The following TAFA4 variants were observed in gnomAD, a reference collection of about 807,000 sequenced individuals.
TAFA4 encodes TAFA chemokine like family member 4, also known as chemokine-like protein TAFA-4.
Under a neutral mutation model 21.1 loss-of-function variants are expected in TAFA4, and 20 were observed. The observed-to-expected ratio is 0.95, with a 90% confidence interval of 0.67 to 1.38. The LOEUF (loss-of-function observed/expected upper bound fraction) is 1.38, where lower values mean the gene tolerates loss of function less well. Among genes scored for constraint, TAFA4 ranks in the 40% most tolerant of loss-of-function variants. The probability of loss-of-function intolerance (pLI) is 0.00; values close to 1 mark genes in which losing one functional copy is unlikely to be tolerated. For missense variants in TAFA4, 211 were observed against 180.9 expected (o/e 1.17, Z -0.95); for synonymous variants, 71 against 67.4 (o/e 1.05, Z -0.26).
intron 3 of TAFA4, among the ~76,000 whole-genome samples, chr3:68,759,102 G>T (rs1702713743): frequency 6.6e-6 from 1 of 152,166 alleles, no homozygotes; most frequent in Non-Finnish European, 1.5e-5. Context: ...TTTCAGTTCA[G>T]GTCTGAAGGC....
intron 3 of TAFA4, among the ~76,000 whole-genome samples, chr3:68,820,994 T>C (rs1704101862): frequency 6.6e-6 from 1 of 152,216 alleles, no homozygotes; most frequent in African/African-American, 2.4e-5. Flanking sequence ...TGGTACCAAA[T>C]GATGTAGTGT....
At chr3:68,760,657 A>G (rs544025800) in intron 3 of TAFA4, among the ~76,000 whole-genome samples, 1 of 152,336 alleles carries the variant, frequency 6.6e-6, no homozygotes, top group South Asian at 2.1e-4. Flanking sequence ...GAATAGAGGA[A>G]AGAGAAGGCT....
At chr3:68,891,414 T>C (rs2089729386) in intron 1 of TAFA4, among the ~76,000 whole-genome samples, 1 of 152,084 alleles carries the variant, frequency 6.6e-6, no homozygotes. Context: ...TTGCATCACC[T>C]CCAGAGTGAG....
rs1379034844 is a variant in TAFA4, at chr3:68,827,048, C to T, written c.130+53682G>A. Among the ~76,000 whole-genome samples, 8 of 148,158 alleles carry T rather than the reference C, an allele frequency of 5.4e-5. No homozygotes were observed. The East Asian group carries it at 1.6e-3, about 29-fold the overall frequency. ...TATCCCTCCCCCAGCCCCCCACCCC[C>T]CAACAGGCCCCTGTGTGTAATGTTC... is the stretch of plus-strand genomic sequence containing the variant. On this transcript the variant is annotated intron_variant, in intron 3 of 5. Coordinates refer to ENST00000295569, the MANE Select transcript of TAFA4 (RefSeq NM_182522.5).
At chr3:68,880,942 T>A (rs545062046) in intron 2 of TAFA4, 97 bp from the exon 3 acceptor site, 1 of 840,070 alleles carries the variant, frequency 1.2e-6, no homozygotes, top group African/African-American at 1.7e-5. Flanking sequence ...CAGGGGCAGA[T>A]CCCTGGAGCT....
At chr3:68,825,713 A>G (rs367686940) in intron 3 of TAFA4, among the ~76,000 whole-genome samples, 2 of 152,214 alleles carry the variant, frequency 1.3e-5, no homozygotes, top group African/African-American at 4.8e-5. Context: ...TTGAAAGGAC[A>G]GCTTTTCCCT....
At chr3:68,768,478 T>C (rs987984582) in intron 3 of TAFA4, among the ~76,000 whole-genome samples, 2 of 151,544 alleles carry the variant, frequency 1.3e-5, no homozygotes, top group Non-Finnish European at 2.9e-5. Flanking sequence ...GAAAATGGAG[T>C]GGTTATACAC....
intron 5 of TAFA4, among the ~76,000 whole-genome samples, chr3:68,737,107 G>GATCTTGTTTTATATTTATATATAA (rs1166761834): frequency 6.6e-6 from 1 of 152,018 alleles, no homozygotes; most frequent in Admixed American, 6.6e-5. Context: ...TTTTGCTCAT[G>GATCTTGTTTTATATTTATATATAA]ATCTTGTTTT....
At chr3:68,893,949 A>G (rs2089758822) in intron 1 of TAFA4, among the ~76,000 whole-genome samples, 1 of 152,226 alleles carries the variant, frequency 6.6e-6, no homozygotes, top group African/African-American at 2.4e-5. Flanking sequence ...AGCCATATTT[A>G]TAAATAGAAT....
intron 4 of TAFA4, among the ~76,000 whole-genome samples, chr3:68,741,042 G>A (rs1602195): frequency 0.65 from 98,150 of 152,014 alleles, 32,273 homozygotes; most frequent in East Asian, 0.98. Context: ...TACTGTTTTG[G>A]TAACTATAGC....
intron 3 of TAFA4, among the ~76,000 whole-genome samples, chr3:68,786,769 T>C (rs1223386798): frequency 6.6e-6 from 1 of 152,210 alleles, no homozygotes; most frequent in Non-Finnish European, 1.5e-5. Context: ...AGTTAGGTAT[T>C]ATTGCTAATC....
At chr3:68,929,152 G>A (rs926771476) in intron 1 of TAFA4, among the ~76,000 whole-genome samples, 1 of 152,122 alleles carries the variant, frequency 6.6e-6, no homozygotes, top group Non-Finnish European at 1.5e-5. Flanking sequence ...CAAATTGAGT[G>A]AGGCATTACA....
At chr3:68,871,769 A>T (rs2089485494) in intron 3 of TAFA4, among the ~76,000 whole-genome samples, 1 of 152,200 alleles carries the variant, frequency 6.6e-6, no homozygotes, top group East Asian at 1.9e-4. Flanking sequence ...TCAAAAGAAG[A>T]CATACAAATG....
At chr3:68,839,878 G>A (rs1704619244) in intron 3 of TAFA4, among the ~76,000 whole-genome samples, 1 of 152,174 alleles carries the variant, frequency 6.6e-6, no homozygotes, top group Admixed American at 6.5e-5. Context: ...CAGAGGCACT[G>A]GGCTAGGAGG....
chr3:68,827,544 T>C (rs562818529), intron 3 of TAFA4, among the ~76,000 whole-genome samples: 417 of 152,260 alleles, frequency 2.7e-3, no homozygotes, highest in African/African-American at 9.4e-3. Context: ...CTCTCCAGCA[T>C]CTGTTGTTTC....
intron 4 of TAFA4, among the ~76,000 whole-genome samples, chr3:68,743,594 AAGTT>A (rs1216107385): frequency 2.1e-4 from 31 of 151,098 alleles, no homozygotes; most frequent in South Asian, 1.9e-3. Flanking sequence ...AAAAAAGAAA[AAGTT>A]AAGTTATATT....
intron 3 of TAFA4, among the ~76,000 whole-genome samples, chr3:68,850,861 T>C (rs1258928996): frequency 6.6e-6 from 1 of 152,198 alleles, no homozygotes; most frequent in Non-Finnish European, 1.5e-5. Context: ...TAGTTTCTTT[T>C]TCTGTGCAGG....
At chr3:68,772,305 A>G (rs1039263259) in intron 3 of TAFA4, among the ~76,000 whole-genome samples, 1 of 152,210 alleles carries the variant, frequency 6.6e-6, no homozygotes, top group Non-Finnish European at 1.5e-5. Context: ...GAATACTTAA[A>G]AAGTTGGTAA....
chr3:68,908,321 CCTT>C (rs1384046287), intron 1 of TAFA4, among the ~76,000 whole-genome samples: 1 of 152,106 alleles, frequency 6.6e-6, no homozygotes, highest in Non-Finnish European at 1.5e-5. Context: ...CCTCCAGAGT[CCTT>C]CTCTTAACAA....
Sources: gnomAD v4.1 joint callset for allele counts (sites outside exome capture counted in the v4.1 genomes callset) on GRCh38, gnomAD v4.1.1 for gene constraint, MANE v1.5 for transcripts, NCBI Gene and HGNC (gene_info 2026-07-23, HGNC 2026-07-21) for gene names.